METTL15: variants seen among roughly 807,000 people sequenced by gnomAD.
The protein encoded by METTL15 is methyltransferase 15, mitochondrial 12S rRNA N4-cytidine.
Under a neutral mutation model 38.3 loss-of-function variants are expected in METTL15, and 34 were observed. That is an observed-to-expected ratio of 0.89 (90% CI 0.68 to 1.18). The LOEUF is 1.18. METTL15 is among the 50% of genes most tolerant of loss of function. The pLI is 0.00. For missense variants in METTL15, 438 were observed against 498.4 expected (o/e 0.88, Z 1.15); for synonymous variants, 162 against 170.9 (o/e 0.95, Z 0.41).
intron 4 of METTL15, among the ~76,000 whole-genome samples, chr11:28,288,335 A>G (rs531038069): frequency 2.0e-5 from 3 of 152,296 alleles, no homozygotes; most frequent in African/African-American, 7.2e-5. Flanking sequence ...AGGAGTATAA[A>G]TTGTTGTATT....
intron 5 of METTL15, among the ~76,000 whole-genome samples, chr11:28,379,812 G>A (rs1263996569): frequency 6.6e-6 from 1 of 152,074 alleles, no homozygotes; most frequent in African/African-American, 2.4e-5. Context: ...GTGGATTGTT[G>A]AACGTTCTGC....
intron 5 of METTL15, among the ~76,000 whole-genome samples, chr11:28,385,863 A>G (rs1422454682): frequency 6.6e-6 from 1 of 152,056 alleles, no homozygotes; most frequent in Non-Finnish European, 1.5e-5. Flanking sequence ...CCATTTTGGA[A>G]CCAGAAGTCT....
chr11:28,232,235 C>G (rs966344145), intron 4 of METTL15, among the ~76,000 whole-genome samples: 1 of 151,770 alleles, frequency 6.6e-6, no homozygotes, highest in Non-Finnish European at 1.5e-5. Context: ...ATACCATATC[C>G]TATCTTCCAG....
chr11:28,245,113 G>A (rs534161697), intron 4 of METTL15, among the ~76,000 whole-genome samples: 14 of 152,288 alleles, frequency 9.2e-5, no homozygotes, highest in East Asian at 1.9e-4. Context: ...GGCTGTATCC[G>A]TTGGGAATCA....
At chr11:28,246,285 T>C (rs1023642738) in intron 4 of METTL15, among the ~76,000 whole-genome samples, 3 of 152,184 alleles carry the variant, frequency 2.0e-5, no homozygotes, top group African/African-American at 7.2e-5. Flanking sequence ...AAATATCATA[T>C]GTGTTTGAAA....
chr11:28,141,986 A>G (rs1849714848), intron 3 of METTL15, among the ~76,000 whole-genome samples: 1 of 152,236 alleles, frequency 6.6e-6, no homozygotes, highest in Non-Finnish European at 1.5e-5. Context: ...ATGAACGTAC[A>G]GACAACTTAT....
intron 3 of METTL15, among the ~76,000 whole-genome samples, chr11:28,343,932 A>G (rs1849976566): frequency 6.6e-6 from 1 of 152,210 alleles, no homozygotes; most frequent in Non-Finnish European, 1.5e-5. Context: ...GTACTATGAC[A>G]GCCCAAAGAA....
intron 5 of METTL15, among the ~76,000 whole-genome samples, chr11:28,418,503 C>G (rs1850792375): frequency 6.6e-6 from 1 of 152,096 alleles, no homozygotes; most frequent in Non-Finnish European, 1.5e-5. Flanking sequence ...AATGAAAAAC[C>G]TAGCCAGAGA....
chr11:28,505,678 A>T (rs991518610), intron 6 of METTL15, among the ~76,000 whole-genome samples: 1 of 152,352 alleles, frequency 6.6e-6, no homozygotes, highest in African/African-American at 2.4e-5. Flanking sequence ...GAAATGTCTT[A>T]TTCATCTGGA....
At chr11:28,208,046 G>A (rs371455465) in intron 3 of METTL15, among the ~76,000 whole-genome samples, 8 of 151,378 alleles carry the variant, frequency 5.3e-5, no homozygotes, top group South Asian at 2.1e-4. Context: ...TTTGTTGATC[G>A]TTTCAAAAAA....
At chr11:28,136,057 A>G (rs1849503521) in intron 3 of METTL15, among the ~76,000 whole-genome samples, 1 of 152,156 alleles carries the variant, frequency 6.6e-6, no homozygotes, top group Non-Finnish European at 1.5e-5. Flanking sequence ...AAAGTACTAT[A>G]TCTGATTATA....
At chr11:28,462,290 T>G (rs1010892016) in intron 6 of METTL15, among the ~76,000 whole-genome samples, 1 of 152,020 alleles carries the variant, frequency 6.6e-6, no homozygotes, top group African/African-American at 2.4e-5. Flanking sequence ...AGAATGGAAG[T>G]GTAGGACATG....
intron 4 of METTL15, among the ~76,000 whole-genome samples, chr11:28,227,226 G>A (rs939233066): frequency 1.3e-5 from 2 of 151,774 alleles, no homozygotes; most frequent in African/African-American, 4.8e-5. Flanking sequence ...AGTTTTGACG[G>A]TTCCAGAGGG....
At chr11:28,430,113 C>T (rs1403588907) in intron 6 of METTL15, among the ~76,000 whole-genome samples, 2 of 151,090 alleles carry the variant, frequency 1.3e-5, no homozygotes, top group East Asian at 4.0e-4. Flanking sequence ...AGGAGACCCT[C>T]TGCCTGGCAA....
intron 5 of METTL15, among the ~76,000 whole-genome samples, chr11:28,422,929 A>G (rs578027623): frequency 6.6e-6 from 1 of 152,138 alleles, no homozygotes; most frequent in African/African-American, 2.4e-5. Flanking sequence ...ATGGGAGAAA[A>G]TGTTTGCAAC....
intron 6 of METTL15, among the ~76,000 whole-genome samples, chr11:28,322,120 A>G (rs1249188122): frequency 6.6e-6 from 1 of 152,084 alleles, no homozygotes; most frequent in East Asian, 1.9e-4. Flanking sequence ...CTATAATCTT[A>G]GAGTGGGAAA....
chr11:28,472,432 G>T (rs576355349), intron 6 of METTL15, among the ~76,000 whole-genome samples: 2 of 152,258 alleles, frequency 1.3e-5, no homozygotes, highest in South Asian at 2.1e-4. Flanking sequence ...GCTGCATCAG[G>T]TATTCTACCT....
intron 3 of METTL15, among the ~76,000 whole-genome samples, chr11:28,154,624 T>C (rs1329683385): frequency 6.6e-6 from 1 of 152,252 alleles, no homozygotes; most frequent in East Asian, 1.9e-4. Flanking sequence ...TGGTACTGTG[T>C]CACTTTGGGC....
chr11:28,109,198 G>T (rs1454435986), intron 1 of METTL15, among the ~76,000 whole-genome samples: 1 of 152,198 alleles, frequency 6.6e-6, no homozygotes, highest in Non-Finnish European at 1.5e-5. Context: ...AAAATCGGGA[G>T]TATTGTGTAC....
Sources: allele counts gnomAD v4.1 joint callset (sites outside exome capture counted in the v4.1 genomes callset), GRCh38; gene constraint gnomAD v4.1.1; transcripts MANE v1.5; gene names NCBI Gene and HGNC (gene_info 2026-07-23, HGNC 2026-07-21).